KIF4A: variants seen among roughly 807,000 people sequenced by gnomAD.
The protein encoded by KIF4A is kinesin family member 4A.
In KIF4A, 7 loss-of-function variants were observed where a neutral mutation model predicts 105.9. The ratio of observed to expected loss-of-function variants is 0.07; its 90% CI spans 0.04 to 0.12. The LOEUF (loss-of-function observed/expected upper bound fraction) is 0.12. Among genes scored for constraint, KIF4A ranks in the 10% least tolerant of loss-of-function variants. The probability of loss-of-function intolerance (pLI) is 1.00; values close to 1 mark genes in which losing one functional copy is unlikely to be tolerated. For missense variants in KIF4A, 558 were observed against 929.2 expected (o/e 0.60, Z 5.19); for synonymous variants, 281 against 331.3 (o/e 0.85, Z 1.65).
At chrX:70,378,683 G>T (rs1198998586) in intron 18 of KIF4A, among the ~76,000 whole-genome samples, 4 of 105,710 alleles carry the variant, frequency 3.8e-5, no homozygotes, top group Non-Finnish European at 7.8e-5. Context: ...AGCCGAGATC[G>T]CACCATTGCA....
At chrX:70,362,969 C>T (rs930956910) in intron 15 of KIF4A, among the ~76,000 whole-genome samples, 1 of 111,633 alleles carries the variant, frequency 9.0e-6, no homozygotes, top group South Asian at 3.8e-4. Context: ...CTCGCCCAGG[C>T]TGGAGTGCAG....
intron 22 of KIF4A, among the ~76,000 whole-genome samples, chrX:70,399,910 C>A (rs1451528679): frequency 9.9e-6 from 1 of 101,268 alleles, no homozygotes; most frequent in Non-Finnish European, 2.0e-5. Context: ...ATGTAACCTG[C>A]ACATTGTGCA....
At chrX:70,316,309 G>A (rs2085868971) in intron 7 of KIF4A, among the ~76,000 whole-genome samples, 1 of 110,842 alleles carries the variant, frequency 9.0e-6, no homozygotes, top group South Asian at 3.8e-4. Flanking sequence ...ATATTTATAG[G>A]CCATTTATAT....
rs749537322 is a variant in KIF4A, at chrX:70,321,358, A to G, written c.779-8047A>G. On this transcript the variant is annotated intron_variant, in intron 7 of 30. Transcript: ENST00000374403. ...GTTTTCGACATTGCCTTTTTTAATCATGTTATCTTCTAATGTATTTTTTTC... is the reference window on the plus strand; with the variant it reads ...GTTTTCGACATTGCCTTTTTTAATCGTGTTATCTTCTAATGTATTTTTTTC... Among the ~76,000 whole-genome samples, 91 of 111,999 alleles carry G rather than the reference A, an allele frequency of 8.1e-4. 1 individual carries two copies. Among genetic ancestry groups the G allele is most frequent in the Middle Eastern group, 9.2e-3 (2 of 217 alleles).
chrX:70,388,550 T>C (rs1418044223), intron 20 of KIF4A, among the ~76,000 whole-genome samples: 18 of 112,011 alleles, frequency 1.6e-4, no homozygotes, highest in Middle Eastern at 4.6e-3. Context: ...TTCTTGCCAA[T>C]AATTAGTATG....
intron 15 of KIF4A, among the ~76,000 whole-genome samples, chrX:70,370,286 G>T (rs1374180985): frequency 9.0e-6 from 1 of 110,524 alleles, no homozygotes; most frequent in African/African-American, 3.3e-5. Context: ...AAAATGGAAG[G>T]TATGCATCAA....
rs962851750 is a variant in KIF4A, at chrX:70,297,080, A to G, written c.318A>G (p.Gln106=). ...YSMGGAYTAE[Q]ENEPTVGVIP... ...TGGGAGGTGCATATACTGCAGAGCA[A>G]GAGAATGAACCAACAGTTGGGGTTA... Residue 106 remains glutamine, a synonymous_variant, in exon 4 of 31, where the codon CAA becomes CAG. Transcript: ENST00000374403. 1.7e-6 allele frequency: 2 copies of G among 1,211,904 alleles called. No individual in the cohort carries two copies. The highest frequency in any genetic ancestry group is 3.4e-5 in the African/African-American group (2 of 57,981).
At chrX:70,305,244 G>A (rs773065915) in intron 7 of KIF4A, among the ~76,000 whole-genome samples, 2 of 111,257 alleles carry the variant, frequency 1.8e-5, no homozygotes, top group African/African-American at 3.3e-5. Context: ...CTGATTTTTA[G>A]TATGTTCACA....
intron 14 of KIF4A, among the ~76,000 whole-genome samples, chrX:70,353,202 T>C (rs1040808639): frequency 2.7e-5 from 3 of 112,005 alleles, no homozygotes; most frequent in African/African-American, 9.7e-5. Flanking sequence ...CTAAAATGAA[T>C]CTATGTCAGT....
intron 10 of KIF4A, among the ~76,000 whole-genome samples, chrX:70,340,678 A>G (rs1258283582): frequency 8.9e-6 from 1 of 111,758 alleles, no homozygotes; most frequent in Non-Finnish European, 1.9e-5. Context: ...CTTCCTATTA[A>G]CTTTTGATAA....
rs770552661 is a variant in KIF4A, at chrX:70,336,916, C to A, written c.1133+3227C>A. On this transcript the variant is annotated intron_variant, in intron 10 of 30. Transcript: ENST00000374403. ...AACAATAACTCCTCATTTCCTCTCT[C>A]CTCAGTCCCTGGCAACCACTATTCT... is the stretch of plus-strand genomic sequence containing the variant. Among the ~76,000 whole-genome samples, 12 of 111,547 alleles carry A rather than the reference C, an allele frequency of 1.1e-4. No homozygotes were observed. The South Asian group carries it at 3.4e-3, about 32-fold the overall frequency.
Position 70,400,958 on chromosome X carries a change from G to A in KIF4A, c.2490-1608G>A, listed in dbSNP as rs186850745. On this transcript the variant is annotated intron_variant, in intron 22 of 30. Coordinates refer to ENST00000374403, the MANE Select transcript of KIF4A (RefSeq NM_012310.5). The stretch of plus-strand genomic sequence containing the variant: ...AATTTTTTGTATTTTTAGTAGATAC[G>A]GGGTTTCACCATGTTGGCCAGGCTG... Among the ~76,000 whole-genome samples, 12 of 108,719 alleles carry A rather than the reference G, an allele frequency of 1.1e-4. No individual in the cohort carries two copies. In the South Asian group the frequency reaches 2.0e-3, roughly 18 times the overall value. The allele number at this position is 108,719 out of a possible 115,157, so 94.4% of individuals were successfully genotyped here.
intron 28 of KIF4A, among the ~76,000 whole-genome samples, chrX:70,414,677 T>G (rs2086336158): frequency 8.9e-6 from 1 of 112,345 alleles, no homozygotes; most frequent in Non-Finnish European, 1.9e-5. Flanking sequence ...CGTTCAGGGT[T>G]TGAACAGTTA....
chrX:70,329,928 G>C (rs1308289135), intron 8 of KIF4A, among the ~76,000 whole-genome samples: 1 of 111,477 alleles, frequency 9.0e-6, no homozygotes, highest in Non-Finnish European at 1.9e-5. Context: ...ATTAACTGCT[G>C]AAATCACAAT....
At chrX:70,310,906 G>C (rs1460414313) in intron 7 of KIF4A, among the ~76,000 whole-genome samples, 1 of 110,483 alleles carries the variant, frequency 9.1e-6, no homozygotes, top group East Asian at 2.8e-4. Flanking sequence ...TAGGAGGATC[G>C]CTTGAGCCCG....
chrX:70,350,268 C>T (rs1253524513), intron 13 of KIF4A, among the ~76,000 whole-genome samples: 5 of 111,178 alleles, frequency 4.5e-5, no homozygotes, highest in South Asian at 3.8e-4. Context: ...GCAGATCACT[C>T]GAGGTCAAGA....
At chrX:70,380,020 A>G (rs890436578) in intron 18 of KIF4A, among the ~76,000 whole-genome samples, 2 of 111,630 alleles carry the variant, frequency 1.8e-5, no homozygotes, top group African/African-American at 3.2e-5. Flanking sequence ...AAAGGATGAT[A>G]GGCTGGGCGT....
At chrX:70,293,768 C>A (rs767755075) in intron 3 of KIF4A, among the ~76,000 whole-genome samples, 2 of 111,940 alleles carry the variant, frequency 1.8e-5, no homozygotes, top group South Asian at 7.5e-4. Context: ...AACTGATACA[C>A]CCGTATAGGG....
chrX:70,335,269 T>C (rs1425578824), intron 10 of KIF4A, among the ~76,000 whole-genome samples: 1 of 112,433 alleles, frequency 8.9e-6, no homozygotes, highest in Non-Finnish European at 1.9e-5. Context: ...GAAGATATGC[T>C]AAGTGAACTA....
Sources: gnomAD v4.1 joint callset for allele counts (sites outside exome capture counted in the v4.1 genomes callset) on GRCh38, gnomAD v4.1.1 for gene constraint, MANE v1.5 for transcripts, NCBI Gene and HGNC (gene_info 2026-07-23, HGNC 2026-07-21) for gene names.